DYNC1I1: variants seen among roughly 807,000 people sequenced by gnomAD.
The protein encoded by DYNC1I1 is cytoplasmic dynein 1 intermediate chain 1.
Under a neutral mutation model 86.6 loss-of-function variants are expected in DYNC1I1, and 43 were observed. The ratio of observed to expected loss-of-function variants is 0.50; its 90% confidence interval spans 0.39 to 0.64. The LOEUF (loss-of-function observed/expected upper bound fraction) is 0.64, where lower values mean the gene tolerates loss of function less well. Among genes scored for constraint, DYNC1I1 ranks in the 30% least tolerant of loss-of-function variants. The probability of loss-of-function intolerance (pLI) is 0.00; values close to 1 mark genes in which losing one functional copy is unlikely to be tolerated. For missense variants in DYNC1I1, 604 were observed against 788.8 expected (o/e 0.77, Z 2.81); for synonymous variants, 262 against 283.7 (o/e 0.92, Z 0.77).
intron 6 of DYNC1I1, among the ~76,000 whole-genome samples, chr7:95,922,184 G>C (rs1394353833): frequency 1.3e-5 from 2 of 151,976 alleles, no homozygotes; most frequent in East Asian, 3.8e-4. Context: ...TTTTTCTTCA[G>C]GATTTTTTTT....
At chr7:96,084,179 C>T (rs1790606127) in intron 16 of DYNC1I1, among the ~76,000 whole-genome samples, 1 of 151,962 alleles carries the variant, frequency 6.6e-6, no homozygotes, top group Admixed American at 6.6e-5. Context: ...TAGGGGAGCC[C>T]TGAGCTTGGG....
intron 5 of DYNC1I1, chr7:95,837,712 G>C (rs1479097922): frequency 1.3e-5 from 2 of 153,276 alleles, no homozygotes; most frequent in Non-Finnish European, 2.9e-5. Context: ...CAGTATTCGG[G>C]TGGGAGTGAC....
At chr7:95,802,388 C>T (rs1490550704) in intron 1 of DYNC1I1, among the ~76,000 whole-genome samples, 3 of 152,212 alleles carry the variant, frequency 2.0e-5, no homozygotes, top group Non-Finnish European at 4.4e-5. Context: ...CATTCGCCTA[C>T]CATTCCCGTA....
chr7:95,877,775 TA>T (rs1790347118), intron 6 of DYNC1I1, among the ~76,000 whole-genome samples: 1 of 152,148 alleles, frequency 6.6e-6, no homozygotes, highest in Non-Finnish European at 1.5e-5. Context: ...AACTGTAAAT[TA>T]AATTCAGGCT....
intron 6 of DYNC1I1, among the ~76,000 whole-genome samples, chr7:95,964,293 T>G (rs1792949579): frequency 1.3e-5 from 2 of 152,154 alleles, no homozygotes; most frequent in African/African-American, 4.8e-5. Flanking sequence ...TCTAAAGAGA[T>G]AGATAATTCC....
At chr7:95,782,733 A>G (rs1272103417) in intron 1 of DYNC1I1, among the ~76,000 whole-genome samples, 1 of 152,136 alleles carries the variant, frequency 6.6e-6, no homozygotes, top group African/African-American at 2.4e-5. Flanking sequence ...CAGGTCACAC[A>G]TGGACTTGAA....
At chr7:95,854,308 T>G (rs1789659201) in intron 5 of DYNC1I1, among the ~76,000 whole-genome samples, 1 of 152,160 alleles carries the variant, frequency 6.6e-6, no homozygotes, top group East Asian at 1.9e-4. Context: ...GTGTATCTAC[T>G]ATAGGTTTTT....
intron 6 of DYNC1I1, among the ~76,000 whole-genome samples, chr7:95,895,072 A>T (rs893599564): frequency 6.6e-6 from 1 of 152,232 alleles, no homozygotes; most frequent in Non-Finnish European, 1.5e-5. Context: ...AGAAAGCTGC[A>T]GTGGATCAGA....
intron 6 of DYNC1I1, among the ~76,000 whole-genome samples, chr7:95,917,329 T>C (rs1281399195): frequency 6.6e-6 from 1 of 152,144 alleles, no homozygotes; most frequent in Non-Finnish European, 1.5e-5. Context: ...TGAGAGGTGA[T>C]CGGAGGAAGA....
chr7:95,961,132 C>A (rs973452423), intron 6 of DYNC1I1, among the ~76,000 whole-genome samples: 2 of 152,112 alleles, frequency 1.3e-5, no homozygotes, highest in African/African-American at 4.8e-5. Flanking sequence ...GTCAGGTAAT[C>A]CTCTGCCTAG....
At chr7:96,014,255 A>G (rs1339855255) in intron 10 of DYNC1I1, among the ~76,000 whole-genome samples, 2 of 152,216 alleles carry the variant, frequency 1.3e-5, no homozygotes, top group African/African-American at 4.8e-5. Flanking sequence ...ACTACGTCCT[A>G]AAGGAGTTAA....
chr7:95,907,178 A>G (rs78664903), intron 6 of DYNC1I1, among the ~76,000 whole-genome samples: 3,459 of 152,152 alleles, frequency 0.023, 124 homozygotes, highest in African/African-American at 0.072. Context: ...TTCTTGTCCC[A>G]CACTTCTCAG....
chr7:95,896,547 A>G (rs1790887317), intron 6 of DYNC1I1, among the ~76,000 whole-genome samples: 1 of 152,200 alleles, frequency 6.6e-6, no homozygotes, highest in Non-Finnish European at 1.5e-5. Flanking sequence ...AAAAGAGAGT[A>G]AGAAGTTTGC....
intron 6 of DYNC1I1, among the ~76,000 whole-genome samples, chr7:95,903,210 T>C (rs1485205941): frequency 1.3e-5 from 2 of 152,208 alleles, no homozygotes; most frequent in African/African-American, 2.4e-5. Context: ...GTAAGTACCG[T>C]ATATTGAAGG....
chr7:96,025,843 G>C (rs569943951), intron 10 of DYNC1I1, among the ~76,000 whole-genome samples: 2,264 of 151,664 alleles, frequency 0.015, 24 homozygotes, highest in Non-Finnish European at 0.022. Flanking sequence ...AAGCTTGCGG[G>C]GGGGGGATAT....
chr7:95,828,277 A>C, intron 5 of DYNC1I1, 161 bp downstream of exon 5: 1 of 750,624 alleles, frequency 1.3e-6, no homozygotes, highest in Non-Finnish European at 2.2e-6. Flanking sequence ...CTTTGAAGAA[A>C]GTCTCTCTTT....
intron 9 of DYNC1I1, among the ~76,000 whole-genome samples, chr7:95,989,407 G>A (rs913787164): frequency 6.6e-6 from 1 of 152,190 alleles, no homozygotes; most frequent in Non-Finnish European, 1.5e-5. Flanking sequence ...GTGTGTGGGT[G>A]GTCTCTGAGC....
intron 7 of DYNC1I1, 33 bp from the exon 8 acceptor site, chr7:95,984,782 C>A: frequency 1.3e-6 from 2 of 1,547,504 alleles, no homozygotes; most frequent in Non-Finnish European, 1.7e-6. Context: ...TCTTCCCTAA[C>A]AATCTCTTTT....
chr7:95,851,039 C>T (rs944585981), intron 5 of DYNC1I1, among the ~76,000 whole-genome samples: 11 of 152,042 alleles, frequency 7.2e-5, no homozygotes, highest in African/African-American at 2.4e-4. Flanking sequence ...CAACCTCCTG[C>T]GATCCTCCTG....
Sources: allele counts gnomAD v4.1 joint callset (sites outside exome capture counted in the v4.1 genomes callset), GRCh38; gene constraint gnomAD v4.1.1; transcripts MANE v1.5; gene names NCBI Gene and HGNC (gene_info 2026-07-23, HGNC 2026-07-21).